The following UGT1A7 variants were observed in gnomAD, a reference collection of about 807,000 sequenced individuals.
UGT1A7 encodes the protein UDP glucuronosyltransferase family 1 member A7.
In UGT1A7, 33 loss-of-function variants were observed where a neutral mutation model predicts 45.6. The observed-to-expected ratio is 0.72, with a 90% CI of 0.55 to 0.97. The LOEUF is 0.97. Among genes scored for constraint, UGT1A7 ranks in the 50% least tolerant of loss-of-function variants. The pLI is 0.00. For missense variants in UGT1A7, 684 were observed against 666.2 expected (o/e 1.03, Z -0.29); for synonymous variants, 274 against 250.6 (o/e 1.09, Z -0.88).
chr2:233,737,523 G>A (rs890594707), intron 1 of UGT1A7, among the ~76,000 whole-genome samples: 3 of 152,158 alleles, frequency 2.0e-5, no homozygotes, highest in Non-Finnish European at 4.4e-5. Context: ...TAGGTGAGGC[G>A]ACGCCCTGCC....
intron 1 of UGT1A7, chr2:233,693,443 C>T: frequency 1.2e-6 from 2 of 1,614,134 alleles, no homozygotes; most frequent in Admixed American, 1.7e-5. Flanking sequence ...GTTTGATGCT[C>T]TTTTCACAGA....
chr2:233,733,638 G>C (rs913820039), intron 1 of UGT1A7, among the ~76,000 whole-genome samples: 1 of 152,200 alleles, frequency 6.6e-6, no homozygotes, highest in African/African-American at 2.4e-5. Flanking sequence ...AACCAGCCTT[G>C]CATCCCAAGG....
intron 1 of UGT1A7, among the ~76,000 whole-genome samples, chr2:233,725,543 ATAT>A (rs909924952): frequency 1.3e-5 from 2 of 152,112 alleles, no homozygotes; most frequent in African/African-American, 4.8e-5. Flanking sequence ...CATATCACAA[ATAT>A]TATCCTTTCA....
intron 1 of UGT1A7, among the ~76,000 whole-genome samples, chr2:233,766,331 T>C (rs1699119647): frequency 6.6e-6 from 1 of 152,150 alleles, no homozygotes; most frequent in African/African-American, 2.4e-5. Context: ...CTCCGCGTTG[T>C]TCTGCTGGTC....
chr2:233,709,869 A>G (rs367805568), intron 1 of UGT1A7, among the ~76,000 whole-genome samples: 2 of 152,200 alleles, frequency 1.3e-5, no homozygotes, highest in African/African-American at 4.8e-5. Flanking sequence ...GCACTCCATT[A>G]CCCAGTAACT....
Position 233,682,020 on chromosome 2 carries a change from T to A in UGT1A7, c.83T>A (p.Leu28Gln), listed in dbSNP as rs1434831582. The stretch of plus-strand genomic sequence containing the variant: ...TGTGGCTTTGCCAAGGCAGGGAAGC[T>A]GCTGGTAGTGCCCATGGATGGGAGC... ...LTCGFAKAGK[L>Q]LVVPMDGSHW... Residue 28 changes from leucine to glutamine, a missense_variant, in exon 1 of 5, where the codon CTG becomes CAG. Coordinates refer to ENST00000373426, the MANE Select transcript of UGT1A7 (RefSeq NM_019077.3). 2 of 1,614,134 alleles carry A rather than the reference T, an allele frequency of 1.2e-6. No homozygotes were observed.
intron 1 of UGT1A7, chr2:233,713,393 T>C (rs780535548): frequency 4.3e-6 from 7 of 1,614,220 alleles, no homozygotes; most frequent in South Asian, 3.3e-5. Flanking sequence ...TACTGCATAA[T>C]GAGGCCCTGA....
At chr2:233,760,299 G>T (rs781590934) in intron 1 of UGT1A7, 2 of 1,613,582 alleles carry the variant, frequency 1.2e-6, no homozygotes, top group East Asian at 2.2e-5. Context: ...TGGCTGTGGA[G>T]TCCCAGGGCG....
chr2:233,721,740 G>C lies in UGT1A7; in HGVS notation c.855+38948G>C, dbSNP rs151279989. 5 of 432,164 alleles carry C rather than the reference G, an allele frequency of 1.2e-5. No individual in the cohort carries two copies. The East Asian group carries it at 1.9e-4, about 16-fold the overall frequency. The allele number at this position is 432,164 out of a possible 1,614,324, so 26.8% of individuals were successfully genotyped here. ...TGTTTACTTGGATAAGCTTAATGAT[G>C]AGAGAATCTACATCTAAATTGTTAT... On this transcript the variant is annotated intron_variant, in intron 1 of 4. Coordinates refer to ENST00000373426, the MANE Select transcript of UGT1A7 (RefSeq NM_019077.3).
chr2:233,761,889 C>G (rs2125994271), intron 1 of UGT1A7, among the ~76,000 whole-genome samples: 1 of 152,322 alleles, frequency 6.6e-6, no homozygotes, highest in Middle Eastern at 3.4e-3. Context: ...TTCACTTATC[C>G]TGCAAAGATT....
intron 1 of UGT1A7, among the ~76,000 whole-genome samples, chr2:233,686,494 G>C (rs2074791864): frequency 6.6e-6 from 1 of 152,058 alleles, no homozygotes; most frequent in Non-Finnish European, 1.5e-5. Flanking sequence ...TTTCTGAACA[G>C]GTGAGCCCAG....
intron 1 of UGT1A7, among the ~76,000 whole-genome samples, chr2:233,766,404 G>A (rs990056235): frequency 5.3e-5 from 8 of 152,282 alleles, no homozygotes; most frequent in Non-Finnish European, 1.0e-4. Context: ...GCGTCCCTCC[G>A]CTGATGTGCT....
At chr2:233,755,166 T>C in intron 1 of UGT1A7, 2 of 1,275,566 alleles carry the variant, frequency 1.6e-6, no homozygotes, top group Non-Finnish European at 2.1e-6. Context: ...GTCCTCGGGG[T>C]TTTTGTCGGG....
chr2:233,725,125 G>C (rs1256400023), intron 1 of UGT1A7, among the ~76,000 whole-genome samples: 1 of 138,156 alleles, frequency 7.2e-6, no homozygotes, highest in Non-Finnish European at 1.5e-5. Context: ...GCAGTGAGCC[G>C]AGATGGCAGC....
intron 1 of UGT1A7, among the ~76,000 whole-genome samples, chr2:233,734,195 T>C (rs2078497247): frequency 6.6e-6 from 1 of 152,310 alleles, no homozygotes; most frequent in African/African-American, 2.4e-5. Context: ...ATTGCCTCAA[T>C]TTCAGAGCCT....
chr2:233,757,535 AAT>A (rs67292694), intron 1 of UGT1A7, among the ~76,000 whole-genome samples: 3,097 of 88,180 alleles, frequency 0.035, 322 homozygotes, highest in African/African-American at 0.14. Context: ...GCCTGTAAGG[AAT>A]ATATATATAT....
At position 233,718,952 on chromosome 2, in the gene UGT1A7, G is replaced by A. The variant is rs773069421; in HGVS notation, c.855+36160G>A. The stretch of plus-strand genomic sequence containing the variant: ...CTGATGGCAGCCCCTGGCTCAGCAT[G>A]CGGGAGGCCTTGCGGGAGCTCCATG... On this transcript the variant is annotated intron_variant, in intron 1 of 4. Transcript: ENST00000373426. 25 of 1,614,082 alleles carry A rather than the reference G, an allele frequency of 1.5e-5. No homozygotes were observed. In the Admixed American group the frequency reaches 2.2e-4, roughly 14 times the overall value.
intron 3 of UGT1A7, 137 bp downstream of exon 3, chr2:233,768,073 G>T: frequency 6.3e-7 from 1 of 1,593,970 alleles, no homozygotes; most frequent in Non-Finnish European, 8.6e-7. Context: ...TATCTAGTGG[G>T]GTATCTCAAC....
chr2:233,734,579 T>C (rs1163010771), intron 1 of UGT1A7, among the ~76,000 whole-genome samples: 20 of 152,230 alleles, frequency 1.3e-4, no homozygotes, highest in Non-Finnish European at 2.9e-5. Context: ...TTGCTCTTGC[T>C]TATCTAGTTC....
Sources: gnomAD v4.1 joint callset for allele counts (sites outside exome capture counted in the v4.1 genomes callset) on GRCh38, gnomAD v4.1.1 for gene constraint, MANE v1.5 for transcripts, NCBI Gene and HGNC (gene_info 2026-07-23, HGNC 2026-07-21) for gene names.